ZNRF3: variants seen among roughly 807,000 people sequenced by gnomAD.
ZNRF3 encodes the protein E3 ubiquitin-protein ligase ZNRF3.
Under a neutral mutation model 72.5 loss-of-function variants are expected in ZNRF3, and 23 were observed. The ratio of observed to expected loss-of-function variants is 0.32; its 90% confidence interval spans 0.23 to 0.45. ZNRF3 has a LOEUF of 0.45. Among genes scored for constraint, ZNRF3 ranks in the 20% least tolerant of loss-of-function variants. The pLI, the probability that ZNRF3 is intolerant of heterozygous loss-of-function variation, is 1.00. For synonymous variants in ZNRF3, 610 were observed against 545.3 expected, an observed-to-expected ratio of 1.12 and a Z score of -1.65; for missense variants, 1,169 against 1,272.1, an observed-to-expected ratio of 0.92 and a Z score of 1.23.
chr22:28,901,015 G>A (rs2034092016), intron 1 of ZNRF3, among the ~76,000 whole-genome samples: 1 of 152,106 alleles, frequency 6.6e-6, no homozygotes, highest in Non-Finnish European at 1.5e-5. Flanking sequence ...GGAGGCTGAG[G>A]TGATAGGATC....
chr22:28,917,644 C>G (rs1334960299), intron 1 of ZNRF3, among the ~76,000 whole-genome samples: 3 of 152,100 alleles, frequency 2.0e-5, no homozygotes, highest in Non-Finnish European at 2.9e-5. Flanking sequence ...TGAATCCAGC[C>G]TGGGCAATAG....
At chr22:28,996,128 AG>A (rs1306919374) in intron 2 of ZNRF3, among the ~76,000 whole-genome samples, 2 of 151,678 alleles carry the variant, frequency 1.3e-5, no homozygotes, top group Non-Finnish European at 2.9e-5. Flanking sequence ...TTTTCGAGGC[AG>A]GGTCTTACTA....
intron 2 of ZNRF3, chr22:29,026,606 C>T (rs1343936202): frequency 1.3e-5 from 2 of 152,210 alleles, no homozygotes; most frequent in South Asian, 2.1e-4. Flanking sequence ...GGCTCCTATG[C>T]AAGACCCTGG....
chr22:29,033,470 A>G (rs1024309658), intron 2 of ZNRF3, among the ~76,000 whole-genome samples: 1 of 151,582 alleles, frequency 6.6e-6, no homozygotes, highest in Non-Finnish European at 1.5e-5. Flanking sequence ...CAGTCATTGG[A>G]GAAGGGTGGT....
intron 1 of ZNRF3, among the ~76,000 whole-genome samples, chr22:28,948,102 CA>C (rs2035087171): frequency 6.6e-6 from 1 of 152,106 alleles, no homozygotes; most frequent in Admixed American, 6.5e-5. Flanking sequence ...CTTGGCCTCC[CA>C]AAGTGCTGGG....
intron 8 of ZNRF3, among the ~76,000 whole-genome samples, chr22:29,052,868 T>A (rs2037233091): frequency 6.6e-6 from 1 of 151,996 alleles, no homozygotes; most frequent in Non-Finnish European, 1.5e-5. Context: ...ACACATGCCA[T>A]TAGTCCCAGA....
intron 1 of ZNRF3, among the ~76,000 whole-genome samples, chr22:28,965,108 T>C (rs1017241842): frequency 2.0e-5 from 3 of 152,150 alleles, no homozygotes; most frequent in African/African-American, 7.2e-5. Flanking sequence ...CCAGCAAAGC[T>C]TTAGACCCAT....
chr22:28,920,942 A>G (rs2034500935), intron 1 of ZNRF3, among the ~76,000 whole-genome samples: 1 of 152,220 alleles, frequency 6.6e-6, no homozygotes, highest in African/African-American at 2.4e-5. Flanking sequence ...ATTTGCCCCC[A>G]GTCACACACG....
intron 1 of ZNRF3, among the ~76,000 whole-genome samples, chr22:28,895,675 A>T (rs2033980968): frequency 6.6e-6 from 1 of 152,086 alleles, no homozygotes; most frequent in Non-Finnish European, 1.5e-5. Flanking sequence ...TCAAAAAAAA[A>T]GAAAATGCTG....
intron 1 of ZNRF3, among the ~76,000 whole-genome samples, chr22:28,898,109 G>T (rs1422453069): frequency 6.6e-6 from 1 of 152,080 alleles, no homozygotes; most frequent in African/African-American, 2.4e-5. Context: ...ACCACGCCTG[G>T]CTAATTTTTT....
chr22:29,049,547 T>C lies in ZNRF3; in HGVS notation c.1366T>C (p.Phe456Leu). ...FRRPKLSGRS[F>L]SKAACFSQYE... ...CAGGCCCAAGTTGAGTGGCCGCAGC[T>C]TCTCCAAGGCAGCTTGCTTCTCCCA... is the stretch of plus-strand genomic sequence containing the variant. Residue 456 changes from phenylalanine (F) to leucine (L), a missense_variant, in exon 8 of 9, where the codon TTC becomes CTC. Physicochemically the swap from Phe to Leu is conservative, Grantham distance 22 (BLOSUM62 0). Coordinates refer to ENST00000544604, the MANE Select transcript of ZNRF3 (RefSeq NM_001206998.2). The surrounding 1 kb of genome is among the most constrained non-coding windows in gnomAD (Gnocchi z 5.2). 1 of 1,604,878 alleles carries C rather than the reference T, an allele frequency of 6.2e-7. No homozygotes were observed. Among genetic ancestry groups the C allele is most frequent in the Non-Finnish European group, 8.5e-7 (1 of 1,177,856 alleles).
intron 1 of ZNRF3, among the ~76,000 whole-genome samples, chr22:28,937,215 A>ATT (rs370829828): frequency 2.5e-3 from 22 of 8,834 alleles, no homozygotes; most frequent in East Asian, 8.6e-3. Context: ...ATATATATAT[A>ATT]TTTTTTTTTT....
At chr22:28,993,064 T>C (rs945539159) in intron 2 of ZNRF3, 1 of 152,260 alleles carries the variant, frequency 6.6e-6, no homozygotes, top group East Asian at 1.9e-4. Flanking sequence ...TGAAAGAGTT[T>C]GGTCTTCATT....
At chr22:28,909,632 G>T (rs2034276967) in intron 1 of ZNRF3, among the ~76,000 whole-genome samples, 1 of 151,980 alleles carries the variant, frequency 6.6e-6, no homozygotes, top group South Asian at 2.1e-4. Flanking sequence ...CCAGGCTGGA[G>T]TGCGGGGGCG....
chr22:28,972,228 A>G (rs532435613), intron 1 of ZNRF3, among the ~76,000 whole-genome samples: 3 of 152,244 alleles, frequency 2.0e-5, no homozygotes, highest in African/African-American at 7.2e-5. Context: ...GAACATTTTA[A>G]TCACCTCAGA....
rs1000683842 is a variant in ZNRF3 at position 29,048,949 on chromosome 22, T to G, written c.1016-248T>G. On this transcript the variant is annotated intron_variant, in intron 7 of 8. Transcript: ENST00000544604. The surrounding 1 kb of genome is among the most constrained non-coding windows in gnomAD (Gnocchi z 4.9). Reference sequence around the variant, plus strand: ...TCCGATTCTTTTCTGCAGACTTCTGTGGTGCCCTGTCAGGCAGAGCAGTGG... The same window carrying G: ...TCCGATTCTTTTCTGCAGACTTCTGGGGTGCCCTGTCAGGCAGAGCAGTGG... Among the ~76,000 whole-genome samples, 2 of 152,126 alleles carry G rather than the reference T, an allele frequency of 1.3e-5. No individual in the cohort carries two copies. Among genetic ancestry groups the G allele is most frequent in the Non-Finnish European group, 2.9e-5 (2 of 68,016 alleles).
chr22:29,000,037 G>C (rs932089541), intron 2 of ZNRF3, among the ~76,000 whole-genome samples: 8 of 152,176 alleles, frequency 5.3e-5, no homozygotes, highest in Non-Finnish European at 1.0e-4. Flanking sequence ...TTGTGATGTT[G>C]TTTTCCAAAT....
intron 1 of ZNRF3, among the ~76,000 whole-genome samples, chr22:28,923,897 G>C (rs60747358): frequency 0.022 from 3,288 of 152,358 alleles, 128 homozygotes; most frequent in African/African-American, 0.076. Flanking sequence ...GAGCCCAAGT[G>C]GGGTGGGGGA....
chr22:29,052,671 G>A (rs1409634814), intron 8 of ZNRF3, among the ~76,000 whole-genome samples: 2 of 144,908 alleles, frequency 1.4e-5, no homozygotes, highest in East Asian at 2.1e-4. Context: ...CCAGCCTGGC[G>A]ACAGAGCGAG....
Sources: allele counts gnomAD v4.1 joint callset (sites outside exome capture counted in the v4.1 genomes callset), GRCh38; gene constraint gnomAD v4.1.1; non-coding constraint Gnocchi (gnomAD v3.1); transcripts MANE v1.5; gene names NCBI Gene and HGNC (gene_info 2026-07-23, HGNC 2026-07-21).